Variants in PLCB1 observed in about 807,000 individuals in gnomAD.
The protein encoded by PLCB1 is 1-phosphatidylinositol 4,5-bisphosphate phosphodiesterase beta-1.
In PLCB1, 46 loss-of-function variants were observed where a neutral mutation model predicts 161.8. The ratio of observed to expected loss-of-function variants is 0.28; its 90% CI spans 0.22 to 0.36. PLCB1 has a LOEUF of 0.36. Ranked by LOEUF, PLCB1 falls within the 10% of genes least tolerant of loss-of-function variation. PLCB1 has a pLI of 1.00. For missense variants in PLCB1, 1,016 were observed against 1,472.5 expected (o/e 0.69, Z 5.07); for synonymous variants, 517 against 503.7 (o/e 1.03, Z -0.35).
intron 14 of PLCB1, among the ~76,000 whole-genome samples, chr20:8,720,439 A>T (rs2123473547): frequency 6.6e-6 from 1 of 152,284 alleles, no homozygotes; most frequent in South Asian, 2.1e-4. Flanking sequence ...CTAATTTACC[A>T]TTTGGTTCGT....
chr20:8,136,106 G>T (rs532755991), intron 1 of PLCB1, among the ~76,000 whole-genome samples: 2 of 152,236 alleles, frequency 1.3e-5, no homozygotes, highest in African/African-American at 4.8e-5. Flanking sequence ...GGATGGAAGG[G>T]TTTTCATTTA....
intron 3 of PLCB1, among the ~76,000 whole-genome samples, chr20:8,380,727 A>C (rs1333628079): frequency 6.6e-6 from 1 of 152,140 alleles, no homozygotes; most frequent in Non-Finnish European, 1.5e-5. Flanking sequence ...GAGTTCATTC[A>C]TGATTTGGCT....
At chr20:8,470,455 G>A (rs375141315) in intron 3 of PLCB1, among the ~76,000 whole-genome samples, 20 of 152,244 alleles carry the variant, frequency 1.3e-4, no homozygotes, top group African/African-American at 4.8e-4. Flanking sequence ...TACAGTAGTG[G>A]GTGTGAAATG....
At chr20:8,814,605 G>GTC (rs1040981538) in intron 31 of PLCB1, among the ~76,000 whole-genome samples, 4 of 151,750 alleles carry the variant, frequency 2.6e-5, no homozygotes, top group Admixed American at 2.0e-4. Context: ...GTGTGTGTGT[G>GTC]TGTGTAAACA....
At chr20:8,511,939 A>T (rs1983910205) in intron 3 of PLCB1, among the ~76,000 whole-genome samples, 1 of 152,048 alleles carries the variant, frequency 6.6e-6, no homozygotes, top group South Asian at 2.1e-4. Flanking sequence ...TCCTTATCAG[A>T]TGTGTGGTTT....
Position 8,880,192 on chromosome 20 carries a change from G to A in PLCB1, c.3424-1430G>A, listed in dbSNP as rs1987923219. On this transcript the variant is annotated intron_variant, in intron 31 of 31. Transcript: ENST00000338037. The stretch of plus-strand genomic sequence containing the variant: ...GGGGAAGCATTTAACCTTGCATGGT[G>A]TTTCAAGGATTATTCTCCCTGCTCA... 2.0e-5 allele frequency among the ~76,000 whole-genome samples: 3 copies of A among 152,252 alleles called. No individual in the cohort carries two copies. The South Asian group carries it at 6.2e-4, about 32-fold the overall frequency.
chr20:8,615,699 T>C (rs1168147636), intron 3 of PLCB1, among the ~76,000 whole-genome samples: 1 of 152,112 alleles, frequency 6.6e-6, no homozygotes, highest in Non-Finnish European at 1.5e-5. Context: ...TGACCTGAAA[T>C]CCATGGAAGA....
intron 2 of PLCB1, among the ~76,000 whole-genome samples, chr20:8,323,860 CAAA>C (rs11468221): frequency 3.3e-4 from 43 of 131,630 alleles, no homozygotes; most frequent in South Asian, 6.8e-4. Context: ...TAGTCATTGC[CAAA>C]AAAAAAAAAA....
At chr20:8,479,496 A>G (rs1289853354) in intron 3 of PLCB1, among the ~76,000 whole-genome samples, 1 of 152,226 alleles carries the variant, frequency 6.6e-6, no homozygotes, top group Non-Finnish European at 1.5e-5. Context: ...GTTGTATGCT[A>G]TATCTTTGCT....
At chr20:8,417,052 CACATATAT>C (rs1258639017) in intron 3 of PLCB1, among the ~76,000 whole-genome samples, 4 of 63,164 alleles carry the variant, frequency 6.3e-5, no homozygotes, top group African/African-American at 2.4e-4. Context: ...CACACACACA[CACATATAT>C]ATATATATAT....
chr20:8,644,140 C>A (rs1458762979), intron 4 of PLCB1, among the ~76,000 whole-genome samples: 1 of 152,186 alleles, frequency 6.6e-6, no homozygotes, highest in Admixed American at 6.5e-5. Flanking sequence ...GATCTCGGCT[C>A]GCTACAACAT....
At chr20:8,257,344 A>C (rs1221944440) in intron 2 of PLCB1, among the ~76,000 whole-genome samples, 1 of 152,162 alleles carries the variant, frequency 6.6e-6, no homozygotes, top group African/African-American at 2.4e-5. Flanking sequence ...AATGAAAAAG[A>C]AAATTAGAAA....
chr20:8,583,904 T>C (rs1986908138), intron 3 of PLCB1, among the ~76,000 whole-genome samples: 1 of 152,132 alleles, frequency 6.6e-6, no homozygotes. Flanking sequence ...CCTCTCTGTC[T>C]GGAAAAATCA....
intron 3 of PLCB1, among the ~76,000 whole-genome samples, chr20:8,608,017 G>A (rs1048833335): frequency 3.3e-5 from 5 of 151,792 alleles, no homozygotes; most frequent in Admixed American, 2.0e-4. Context: ...ATTTTTACTC[G>A]TCCAACAATT....
Position 8,882,286 on chromosome 20 carries a change from TTTC to T in PLCB1, c.*442_*444del, listed in dbSNP as rs1214898862. 6.1e-6 allele frequency: 1 copy of T among 163,820 alleles called. No individual in the cohort carries two copies. Among genetic ancestry groups the T allele is most frequent in the Non-Finnish European group, 1.3e-5 (1 of 74,140 alleles). 10.1% of individuals were successfully genotyped at this position (163,820 alleles called of 1,614,324 possible). On this transcript the variant is annotated 3_prime_UTR_variant, in exon 32 of 32. Transcript: ENST00000338037. The stretch of plus-strand genomic sequence containing the variant: ...ATTGAACAGCCGACTTTGAGCATTG[TTTC>T]TTCTAACTGCCCCTCAACTACCATT...
intron 3 of PLCB1, among the ~76,000 whole-genome samples, chr20:8,457,366 A>G (rs139209480): frequency 4.3e-4 from 66 of 152,176 alleles, no homozygotes; most frequent in African/African-American, 1.5e-3. Context: ...CTCTCAGTTC[A>G]TTGCTTGTCT....
At chr20:8,504,627 C>A (rs895729414) in intron 3 of PLCB1, among the ~76,000 whole-genome samples, 5 of 152,074 alleles carry the variant, frequency 3.3e-5, no homozygotes, top group African/African-American at 1.2e-4. Flanking sequence ...CCTCCTCTTT[C>A]GCTTATATTT....
chr20:8,172,199 A>G (rs910710237), intron 2 of PLCB1, among the ~76,000 whole-genome samples: 34 of 152,204 alleles, frequency 2.2e-4, no homozygotes, highest in African/African-American at 7.2e-4. Context: ...ACCTAAATGC[A>G]TAGTAAGCAA....
At chr20:8,330,047 C>T (rs376875718) in intron 2 of PLCB1, among the ~76,000 whole-genome samples, 4 of 152,114 alleles carry the variant, frequency 2.6e-5, no homozygotes, top group Non-Finnish European at 5.9e-5. Context: ...ATTCTTTCCT[C>T]GGGCAAAAAC....
Sources: gnomAD v4.1 joint callset for allele counts (sites outside exome capture counted in the v4.1 genomes callset) on GRCh38, gnomAD v4.1.1 for gene constraint, MANE v1.5 for transcripts, NCBI Gene and HGNC (gene_info 2026-07-23, HGNC 2026-07-21) for gene names.